Variants in HHLA2 observed in about 807,000 individuals in gnomAD.
HHLA2 encodes the protein HERV-H LTR-associating protein 2.
A neutral mutation model predicts 45.9 loss-of-function variants in HHLA2; 48 were observed. That is an observed-to-expected ratio of 1.05 (90% CI 0.83 to 1.33). The LOEUF is 1.33. Among genes scored for constraint, HHLA2 ranks in the 40% most tolerant of loss-of-function variants. The probability of loss-of-function intolerance (pLI) is 0.00; values close to 1 mark genes in which losing one functional copy is unlikely to be tolerated. For synonymous variants in HHLA2, 161 were observed against 173.9 expected (o/e 0.93, Z 0.59); for missense variants, 462 against 494.3 (o/e 0.93, Z 0.62).
chr3:108,301,143 C>A (rs1220037379), intron 1 of HHLA2, among the ~76,000 whole-genome samples: 1 of 152,066 alleles, frequency 6.6e-6, no homozygotes, highest in Non-Finnish European at 1.5e-5. Context: ...CCCTCCAAAC[C>A]AATGTTCCCT....
chr3:108,327,164 TG>T (rs1266064192), intron 2 of HHLA2, among the ~76,000 whole-genome samples: 9 of 152,210 alleles, frequency 5.9e-5, no homozygotes, highest in African/African-American at 2.2e-4. Context: ...CTCTCATCTT[TG>T]GCTTCTATTA....
intron 1 of HHLA2, among the ~76,000 whole-genome samples, chr3:108,306,539 A>C (rs984755996): frequency 6.6e-6 from 1 of 152,116 alleles, no homozygotes; most frequent in African/African-American, 2.4e-5. Flanking sequence ...TTAAACTGCT[A>C]TCCAATTTCT....
chr3:108,350,486 ATCTAATTTTAC>A (rs2081757241), intron 3 of HHLA2, among the ~76,000 whole-genome samples: 2 of 152,224 alleles, frequency 1.3e-5, no homozygotes, highest in South Asian at 4.1e-4. Context: ...TGATGAAGGA[ATCTAATTTTAC>A]TTTTTTAAAA....
At position 108,306,548 on chromosome 3, in the gene HHLA2, C is replaced by A. The variant is rs1386553157; in HGVS notation, c.-191-4107C>A. Among the ~76,000 whole-genome samples, 8 of 152,092 alleles carry A rather than the reference C, an allele frequency of 5.3e-5. No homozygotes were observed. The South Asian group carries it at 6.2e-4, about 12-fold the overall frequency. On this transcript the variant is annotated intron_variant, in intron 1 of 10. Transcript: ENST00000619531. ...AAGGTTTTAAACTGCTATCCAATTTCTTTAATAATTATAGGACTCTTTAAG... is the reference window on the plus strand; with the variant it reads ...AAGGTTTTAAACTGCTATCCAATTTATTTAATAATTATAGGACTCTTTAAG...
At chr3:108,317,297 AT>A (rs1272137810) in intron 2 of HHLA2, among the ~76,000 whole-genome samples, 2 of 152,294 alleles carry the variant, frequency 1.3e-5, no homozygotes, top group East Asian at 3.9e-4. Flanking sequence ...TCTAACCAGG[AT>A]TTTTTTAAAG....
intron 5 of HHLA2, among the ~76,000 whole-genome samples, chr3:108,354,196 A>G (rs1012212203): frequency 2.6e-5 from 4 of 152,132 alleles, no homozygotes; most frequent in Non-Finnish European, 5.9e-5. Context: ...GCATTTTTCT[A>G]TATTATAAAT....
intron 8 of HHLA2, 22 bp from the exon 8 acceptor site, chr3:108,375,728 C>T: frequency 6.2e-7 from 1 of 1,607,818 alleles, no homozygotes; most frequent in Non-Finnish European, 8.5e-7. Flanking sequence ...TAATTTCACT[C>T]TTCCCTGTCT....
At chr3:108,329,669 GATCTTGC>G (rs1362776715) in intron 3 of HHLA2, among the ~76,000 whole-genome samples, 4 of 152,178 alleles carry the variant, frequency 2.6e-5, no homozygotes, top group Admixed American at 2.6e-4. Flanking sequence ...TACCACTGCT[GATCTTGC>G]ATCATCAACC....
At chr3:108,348,968 C>A (rs920804761) in intron 3 of HHLA2, among the ~76,000 whole-genome samples, 5 of 152,114 alleles carry the variant, frequency 3.3e-5, no homozygotes, top group African/African-American at 1.2e-4. Context: ...GACATGAACT[C>A]ATCCTTTTTT....
chr3:108,371,290 A>G (rs557649151), intron 8 of HHLA2, among the ~76,000 whole-genome samples: 45 of 152,208 alleles, frequency 3.0e-4, no homozygotes, highest in African/African-American at 1.1e-3. Context: ...AGATTTTGTC[A>G]CCACCAGGCC....
chr3:108,327,338 T>C (rs1275556263), intron 2 of HHLA2, among the ~76,000 whole-genome samples: 1 of 152,212 alleles, frequency 6.6e-6, no homozygotes, highest in Non-Finnish European at 1.5e-5. Context: ...TTATAGGGCT[T>C]CTTGAATCTG....
At position 108,357,443 on chromosome 3, in the gene HHLA2, T is replaced by G. The variant is rs568383573; in HGVS notation, c.686-401T>G. Among the ~76,000 whole-genome samples, 6 of 152,184 alleles carry G rather than the reference T, an allele frequency of 3.9e-5. No homozygotes were observed. The South Asian group carries it at 1.2e-3, about 32-fold the overall frequency. ...TGAGGCCATAAAAGTTAGAGACCAC[T>G]AGGGAGTAGGTAGGGTACCAAAAGG... is the stretch of plus-strand genomic sequence containing the variant. On this transcript the variant is annotated intron_variant, in intron 6 of 10. Transcript: ENST00000619531.
intron 8 of HHLA2, among the ~76,000 whole-genome samples, chr3:108,371,550 G>C (rs921950187): frequency 1.6e-4 from 25 of 152,160 alleles, no homozygotes; most frequent in Non-Finnish European, 2.8e-4. Context: ...AAACAGTCAA[G>C]ACCCATCAGT....
chr3:108,355,050 C>T, intron 5 of HHLA2, 65 bp from the exon 5 acceptor site: 3 of 1,488,284 alleles, frequency 2.0e-6, no homozygotes, highest in Non-Finnish European at 1.8e-6. Context: ...AAGTATTCTG[C>T]ACAGACGGCC....
exon 11 of HHLA2, chr3:108,378,043 C>T (rs1427162402): frequency 6.6e-6 from 1 of 152,118 alleles, no homozygotes; most frequent in East Asian, 1.9e-4. Flanking sequence ...TTGTAATCTC[C>T]CCCACCCTTA....
At chr3:108,363,145 G>A (rs1453807807) in intron 8 of HHLA2, among the ~76,000 whole-genome samples, 2 of 152,084 alleles carry the variant, frequency 1.3e-5, no homozygotes, top group East Asian at 3.9e-4. Flanking sequence ...TACTTTTAGG[G>A]AATACTTTCC....
chr3:108,360,686 C>T (rs906992209), intron 7 of HHLA2, among the ~76,000 whole-genome samples: 3 of 152,184 alleles, frequency 2.0e-5, no homozygotes, highest in Admixed American at 6.5e-5. Flanking sequence ...TGGCGTGACA[C>T]GATATTTCTT....
chr3:108,334,216 A>G (rs2081434000), intron 3 of HHLA2, among the ~76,000 whole-genome samples: 1 of 152,202 alleles, frequency 6.6e-6, no homozygotes, highest in Admixed American at 6.5e-5. Context: ...TGGTCAGAGA[A>G]GCAGAAGTCT....
chr3:108,337,059 AG>A (rs1338490142), intron 3 of HHLA2, among the ~76,000 whole-genome samples: 1 of 152,132 alleles, frequency 6.6e-6, no homozygotes, highest in Non-Finnish European at 1.5e-5. Context: ...TTCCAAGAGT[AG>A]TACTATTCAA....
Sources: gnomAD v4.1 joint callset for allele counts (sites outside exome capture counted in the v4.1 genomes callset) on GRCh38, gnomAD v4.1.1 for gene constraint, MANE v1.5 for transcripts, NCBI Gene and HGNC (gene_info 2026-07-23, HGNC 2026-07-21) for gene names.